TMEM204: variants seen among roughly 807,000 people sequenced by gnomAD.
TMEM204 encodes the protein claudin-like protein 24.
In TMEM204, 15 loss-of-function variants were observed where a neutral mutation model predicts 19.4. The ratio of observed to expected loss-of-function variants is 0.77; its 90% CI spans 0.52 to 1.19. The LOEUF is 1.19. TMEM204 is among the 50% of genes most tolerant of loss of function. TMEM204 has a pLI of 0.00. For missense variants in TMEM204, 287 were observed against 321.2 expected, an observed-to-expected ratio of 0.89 and a Z score of 0.81; for synonymous variants, 161 against 146.0, an observed-to-expected ratio of 1.10 and a Z score of -0.74.
chr16:1,544,329 G>T (rs1337595381), intron 2 of TMEM204, among the ~76,000 whole-genome samples: 3 of 150,898 alleles, frequency 2.0e-5, no homozygotes, highest in Non-Finnish European at 3.0e-5. Flanking sequence ...GACTACAGGC[G>T]CCCGCCACCA....
chr16:1,550,796 C>T (rs931903777), intron 2 of TMEM204, among the ~76,000 whole-genome samples: 20 of 152,364 alleles, frequency 1.3e-4, no homozygotes, highest in African/African-American at 4.1e-4. Context: ...TTCCCCATCT[C>T]TCTAAGAGGA....
At chr16:1,544,822 G>C (rs1249408936) in intron 2 of TMEM204, among the ~76,000 whole-genome samples, 1 of 151,454 alleles carries the variant, frequency 6.6e-6, no homozygotes, top group Non-Finnish European at 1.5e-5. Context: ...CTAATTTTTT[G>C]TATTTTTAGT....
chr16:1,535,739 G>A (rs981934320), intron 1 of TMEM204, among the ~76,000 whole-genome samples: 5 of 152,226 alleles, frequency 3.3e-5, no homozygotes, highest in African/African-American at 1.2e-4. Flanking sequence ...CAACCCCCTT[G>A]TCCACTCAAA....
At chr16:1,538,529 T>C (rs1346750813) in intron 1 of TMEM204, among the ~76,000 whole-genome samples, 1 of 152,086 alleles carries the variant, frequency 6.6e-6, no homozygotes, top group Non-Finnish European at 1.5e-5. Context: ...ATTCTGGTCT[T>C]TCCTCCCCTC....
At chr16:1,554,048 G>C in intron 2 of TMEM204, 1 of 1,287,216 alleles carries the variant, frequency 7.8e-7, no homozygotes, top group Non-Finnish European at 1.0e-6. Context: ...GCTCTGGAAA[G>C]AGAGGGGAAA....
chr16:1,532,684 C>T (rs2030631592), upstream of TMEM204: 1 of 152,320 alleles, frequency 6.6e-6, no homozygotes, highest in African/African-American at 2.4e-5. Flanking sequence ...GGGACACCTG[C>T]ATTCACGAAG....
upstream of TMEM204, among the ~76,000 whole-genome samples, chr16:1,530,043 G>A (rs547445831): frequency 1.1e-4 from 17 of 152,154 alleles, no homozygotes; most frequent in East Asian, 1.9e-3. Context: ...GCCTCAGTGC[G>A]TGAGGCGTGA....
chr16:1,553,715 C>A lies in TMEM204; in HGVS notation c.437-1067C>A, dbSNP rs79005075. The A allele has an allele frequency of 0.049, 54,749 of 1,111,722 alleles. 1,847 individuals are homozygous for A. Among genetic ancestry groups the A allele is most frequent in the Admixed American group, 0.19 (4,798 of 24,960 alleles). 68.9% of individuals were successfully genotyped at this position (1,111,722 alleles called of 1,614,324 possible). A position where few individuals can be genotyped will look rare whatever the true frequency, so the allele number is the denominator to read the frequency against. On this transcript the variant is annotated intron_variant, in intron 2 of 2. Coordinates refer to ENST00000566264, the MANE Select transcript of TMEM204 (RefSeq NM_024600.6). This position sits in a 1 kb window ranked among gnomAD's most constrained non-coding sequence, Gnocchi z 4.4. ...GCTGGAGGCCCCATGGCCTCCAGGACAATCTGTGGCCACATCCCCATGGCT... is the reference window on the plus strand; with the variant it reads ...GCTGGAGGCCCCATGGCCTCCAGGAAAATCTGTGGCCACATCCCCATGGCT...
upstream of TMEM204, among the ~76,000 whole-genome samples, chr16:1,530,035 C>T (rs1469705099): frequency 6.6e-6 from 1 of 152,070 alleles, no homozygotes; most frequent in African/African-American, 2.4e-5. Flanking sequence ...GCACTGGGGC[C>T]TCAGTGCGTG....
intron 2 of TMEM204, among the ~76,000 whole-genome samples, chr16:1,545,600 G>T (rs944200068): frequency 6.6e-6 from 1 of 152,158 alleles, no homozygotes; most frequent in Non-Finnish European, 1.5e-5. Context: ...ACAAGGAAAC[G>T]CCTGCTATTA....
chr16:1,546,391 T>G (rs1217013867), intron 2 of TMEM204, among the ~76,000 whole-genome samples: 4 of 152,186 alleles, frequency 2.6e-5, no homozygotes, highest in Non-Finnish European at 4.4e-5. Context: ...TGGCCTGGGT[T>G]CTGCTCCTGG....
At chr16:1,552,682 T>C (rs2032758376) in intron 2 of TMEM204, among the ~76,000 whole-genome samples, 1 of 144,806 alleles carries the variant, frequency 6.9e-6, no homozygotes, top group Non-Finnish European at 1.5e-5. Context: ...GGAGTCTCGC[T>C]CTGTCGCCAA....
At chr16:1,554,705 T>C in intron 2 of TMEM204, 77 bp from the exon 3 acceptor site, 1 of 1,578,326 alleles carries the variant, frequency 6.3e-7, no homozygotes, top group Non-Finnish European at 8.6e-7. Context: ...GAACCTGCTC[T>C]AGGACAGAGG....
Position 1,542,651 on chromosome 16 carries a change from G to A in TMEM204, c.436+575G>A, listed in dbSNP as rs1181272773. 2.6e-5 allele frequency among the ~76,000 whole-genome samples: 4 copies of A among 152,378 alleles called. No homozygotes were observed. The East Asian group carries it at 7.7e-4, about 29-fold the overall frequency. The stretch of plus-strand genomic sequence containing the variant: ...CCGTGAGCGGGACAAGACAGAGTGA[G>A]AACACGCTAGCACGTTCCACACTGC... On this transcript the variant is annotated intron_variant, in intron 2 of 2. Coordinates refer to ENST00000566264, the MANE Select transcript of TMEM204 (RefSeq NM_024600.6).
chr16:1,529,443 A>G (rs1019180108), upstream of TMEM204, among the ~76,000 whole-genome samples: 11 of 152,216 alleles, frequency 7.2e-5, no homozygotes, highest in African/African-American at 2.4e-4. Flanking sequence ...CTGGACGCTC[A>G]GTCGGCGCTG....
At chr16:1,538,997 G>T (rs1299979373) in intron 1 of TMEM204, among the ~76,000 whole-genome samples, 1 of 147,042 alleles carries the variant, frequency 6.8e-6, no homozygotes, top group Non-Finnish European at 1.5e-5. Flanking sequence ...CAAGCTGCAC[G>T]GTGCCACGCG....
rs2032615832 is a variant in TMEM204 at position 1,551,305 on chromosome 16, T to A, written c.437-3477T>A. On this transcript the variant is annotated intron_variant, in intron 2 of 2. Transcript: ENST00000566264. The surrounding 1 kb of genome is among the most constrained non-coding windows in gnomAD (Gnocchi z 4.0). ...GCTGGCAGGGGTGGGCAGGTGCAAC[T>A]CTAAGCCGAGGCCCGAAGGATCAGC... Among the ~76,000 whole-genome samples, 1 of 151,864 alleles carries A rather than the reference T, an allele frequency of 6.6e-6. No individual in the cohort carries two copies. Among genetic ancestry groups the A allele is most frequent in the Admixed American group, 6.6e-5 (1 of 15,256 alleles).
chr16:1,539,066 C>T (rs1253321261), intron 1 of TMEM204, among the ~76,000 whole-genome samples: 1 of 151,794 alleles, frequency 6.6e-6, no homozygotes, highest in Non-Finnish European at 1.5e-5. Flanking sequence ...CGCCTCAGGC[C>T]TCAGCAAGCT....
intron 1 of TMEM204, among the ~76,000 whole-genome samples, chr16:1,535,956 C>T (rs1425382536): frequency 1.3e-5 from 2 of 152,266 alleles, no homozygotes; most frequent in Non-Finnish European, 2.9e-5. Flanking sequence ...CAGACTCTGC[C>T]TGCTCTGCTG....
Sources: allele counts gnomAD v4.1 joint callset (sites outside exome capture counted in the v4.1 genomes callset), GRCh38; gene constraint gnomAD v4.1.1; non-coding constraint Gnocchi (gnomAD v3.1); transcripts MANE v1.5; gene names NCBI Gene and HGNC (gene_info 2026-07-23, HGNC 2026-07-21).